The following SKAP1 variants were observed in gnomAD, a reference collection of about 807,000 sequenced individuals.
The protein encoded by SKAP1 is src kinase-associated phosphoprotein 1.
SKAP1 carries 44 observed loss-of-function variants against 58.5 expected under a neutral mutation model. That is an observed-to-expected ratio of 0.75 (90% CI 0.59 to 0.97). SKAP1 has a LOEUF of 0.97. SKAP1 is among the 50% of genes least tolerant of loss of function. The pLI is 0.00. For missense variants in SKAP1, 390 were observed against 435.2 expected (o/e 0.90, Z 0.92); for synonymous variants, 127 against 149.7 (o/e 0.85, Z 1.11).
chr17:48,327,898 C>G (rs1048568968), intron 4 of SKAP1, among the ~76,000 whole-genome samples: 2 of 152,170 alleles, frequency 1.3e-5, no homozygotes, highest in African/African-American at 4.8e-5. Flanking sequence ...TCCCAAAGTG[C>G]TGGGATTATA....
chr17:48,190,438 A>G (rs866952817), intron 4 of SKAP1, among the ~76,000 whole-genome samples: 12 of 152,104 alleles, frequency 7.9e-5, no homozygotes, highest in Non-Finnish European at 1.6e-4. Context: ...TTGTGGATAT[A>G]AGTTCCAAGT....
At chr17:48,416,083 A>C (rs920514164) in intron 1 of SKAP1, among the ~76,000 whole-genome samples, 1 of 152,224 alleles carries the variant, frequency 6.6e-6, no homozygotes, top group African/African-American at 2.4e-5. Flanking sequence ...TCCCATAAAA[A>C]CATTGCTTCT....
chr17:48,422,456 T>C (rs1391263220), intron 1 of SKAP1, among the ~76,000 whole-genome samples: 1 of 152,238 alleles, frequency 6.6e-6, no homozygotes, highest in Non-Finnish European at 1.5e-5. Context: ...ATTCCTTTAT[T>C]CTTCATATAA....
At chr17:48,317,594 T>C (rs1012793051) in intron 4 of SKAP1, among the ~76,000 whole-genome samples, 1 of 152,202 alleles carries the variant, frequency 6.6e-6, no homozygotes, top group African/African-American at 2.4e-5. Context: ...GTACCAAAAG[T>C]TAAATAAAAC....
rs768574975 is a variant in SKAP1, at chr17:48,189,167, G to GGT, written c.358+255_358+256insAC. 1.7e-3 allele frequency among the ~76,000 whole-genome samples: 254 copies of GGT among 152,314 alleles called. 1 individual carries two copies. Among genetic ancestry groups the GGT allele is most frequent in the Non-Finnish European group, 2.6e-3 (174 of 68,016 alleles). On this transcript the variant is annotated intron_variant, in intron 5 of 12. Coordinates refer to ENST00000336915, the MANE Select transcript of SKAP1 (RefSeq NM_003726.4). ...TTTATCAAGCACCTGTCACATACCA[G>GGT]GCATTGGGGATACAGAGGTGAGCAG...
At chr17:48,310,779 T>TA (rs199591685) in intron 4 of SKAP1, among the ~76,000 whole-genome samples, 24,361 of 147,278 alleles carry the variant, frequency 0.17, 2,410 homozygotes, top group Non-Finnish European at 0.23. Flanking sequence ...TAAAGATGCT[T>TA]AAAAAAAAAA....
chr17:48,403,909 A>T (rs1354913553), intron 1 of SKAP1, among the ~76,000 whole-genome samples: 3 of 151,904 alleles, frequency 2.0e-5, no homozygotes, highest in Admixed American at 6.5e-5. Context: ...CAATATGGCG[A>T]AAACCCATCT....
chr17:48,273,589 T>C (rs946940475), intron 4 of SKAP1, among the ~76,000 whole-genome samples: 1 of 152,032 alleles, frequency 6.6e-6, no homozygotes, highest in African/African-American at 2.4e-5. Context: ...GGCTAATTTT[T>C]GTATTTTTAG....
rs1567827467 is a variant in SKAP1, at chr17:48,224,074, G to GAGGAGA, written c.281-34575_281-34574insTCTCCT. Among the ~76,000 whole-genome samples, 3 of 33,764 alleles carry GAGGAGA rather than the reference G, an allele frequency of 8.9e-5. 1 individual carries two copies. Among genetic ancestry groups the GAGGAGA allele is most frequent in the African/African-American group, 3.4e-4 (3 of 8,878 alleles). 22.2% of individuals were successfully genotyped at this position (33,764 alleles called of 152,430 possible). ...GGAGGAGGAGGAGGAGGAGAAGGAG[G>GAGGAGA]AGGAGGAGGAGGAAGAGGAGGAGGA... On this transcript the variant is annotated intron_variant, in intron 4 of 12. Transcript: ENST00000336915.
chr17:48,197,038 C>T (rs2064643045), intron 4 of SKAP1, among the ~76,000 whole-genome samples: 1 of 152,176 alleles, frequency 6.6e-6, no homozygotes, highest in African/African-American at 2.4e-5. Flanking sequence ...GTGGGCAGAT[C>T]ACGAGGTCGG....
chr17:48,353,736 A>G (rs2066834117), intron 3 of SKAP1, among the ~76,000 whole-genome samples: 1 of 152,022 alleles, frequency 6.6e-6, no homozygotes, highest in African/African-American at 2.4e-5. Context: ...TTTCTACTAA[A>G]AATACAAAAA....
At chr17:48,166,349 C>T (rs1207262628) in intron 10 of SKAP1, among the ~76,000 whole-genome samples, 1 of 152,164 alleles carries the variant, frequency 6.6e-6, no homozygotes, top group East Asian at 1.9e-4. Context: ...ATGCCAGGTT[C>T]TTTACAACTA....
At chr17:48,393,388 T>G (rs977441462) in intron 2 of SKAP1, among the ~76,000 whole-genome samples, 2 of 152,216 alleles carry the variant, frequency 1.3e-5, no homozygotes, top group African/African-American at 4.8e-5. Flanking sequence ...CTATTTTTTG[T>G]TTCTAAGTCT....
At chr17:48,324,946 T>G (rs577341216) in intron 4 of SKAP1, among the ~76,000 whole-genome samples, 2 of 152,076 alleles carry the variant, frequency 1.3e-5, no homozygotes, top group East Asian at 3.9e-4. Context: ...ATTGCTCTTT[T>G]AAGACATAAT....
chr17:48,197,094 T>TA (rs1224244388), intron 4 of SKAP1, among the ~76,000 whole-genome samples: 4 of 151,852 alleles, frequency 2.6e-5, no homozygotes, highest in Non-Finnish European at 5.9e-5. Context: ...CTGTCTTTAC[T>TA]AAAAATACAA....
chr17:48,298,182 T>G (rs1036982753), intron 4 of SKAP1, among the ~76,000 whole-genome samples: 1 of 152,252 alleles, frequency 6.6e-6, no homozygotes, highest in Admixed American at 6.5e-5. Context: ...GACAGTTCTG[T>G]ATGTCATCCT....
chr17:48,163,513 A>G (rs932798847), intron 10 of SKAP1, among the ~76,000 whole-genome samples: 1 of 152,216 alleles, frequency 6.6e-6, no homozygotes, highest in Non-Finnish European at 1.5e-5. Flanking sequence ...CCACTAGACC[A>G]GGCATGCTCC....
At chr17:48,314,807 T>C (rs1407028802) in intron 4 of SKAP1, among the ~76,000 whole-genome samples, 1 of 152,222 alleles carries the variant, frequency 6.6e-6, no homozygotes, top group Non-Finnish European at 1.5e-5. Flanking sequence ...CTCCCACTTC[T>C]ACCCAAGAAC....
At chr17:48,364,679 A>G (rs1287090747) in intron 2 of SKAP1, among the ~76,000 whole-genome samples, 1 of 152,164 alleles carries the variant, frequency 6.6e-6, no homozygotes, top group African/African-American at 2.4e-5. Context: ...CATCTCAACA[A>G]AACAAAACAA....
Sources: allele counts gnomAD v4.1 joint callset (sites outside exome capture counted in the v4.1 genomes callset), GRCh38; gene constraint gnomAD v4.1.1; transcripts MANE v1.5; gene names NCBI Gene and HGNC (gene_info 2026-07-23, HGNC 2026-07-21).